Variants in KCNC4 observed in about 807,000 individuals in gnomAD.
The protein encoded by KCNC4 is potassium voltage-gated channel subfamily C member 4, also known as voltage-gated potassium channel KCNC4.
A neutral mutation model predicts 42.8 loss-of-function variants in KCNC4; 23 were observed. The ratio of observed to expected loss-of-function variants is 0.54; its 90% CI spans 0.39 to 0.76. The LOEUF (loss-of-function observed/expected upper bound fraction) is 0.76, where lower values mean the gene tolerates loss of function less well. KCNC4 is among the 30% of genes least tolerant of loss of function. The pLI is 0.00. For missense variants in KCNC4, 751 were observed against 898.2 expected (o/e 0.84, Z 2.10); for synonymous variants, 422 against 393.5 (o/e 1.07, Z -0.86).
chr1:110,211,706 CGGCGGGGGCCGGCCCGAGACCGAT>C lies in KCNC4; in HGVS notation c.213_236del (p.Arg73_Gly80del), dbSNP rs1438592059. On this transcript the variant is annotated inframe_deletion, in exon 1 of 4. Transcript: ENST00000438661. This position sits in a 1 kb window ranked among gnomAD's most constrained non-coding sequence, Gnocchi z 6.5. Reference sequence around the variant, plus strand: ...GCCTCGCCTGGCTGGCCGACCCCGACGGCGGGGGCCGGCCCGAGACCGATGGCGGCGGTGTGGGTAGCAGCGGCA... The same window carrying C: ...GCCTCGCCTGGCTGGCCGACCCCGACGGCGGCGGTGTGGGTAGCAGCGGCA... 9.3e-6 allele frequency: 15 copies of C among 1,607,766 alleles called. No individual in the cohort carries two copies. The highest frequency in any genetic ancestry group is 1.3e-5 in the Non-Finnish European group (15 of 1,177,214).
rs552260915 is a variant in KCNC4 at position 110,231,138 on chromosome 1, G to A, written c.1820-1773G>A. On this transcript the variant is annotated intron_variant, in intron 3 of 3. Coordinates refer to ENST00000438661, the MANE Select transcript of KCNC4 (RefSeq NM_001039574.3). ...GTAGCAGGGTTACTGGCAACCTAGA[G>A]ACCAATTTTCAGGGCTTCTGAGAGG... Among the ~76,000 whole-genome samples, 7 of 152,356 alleles carry A rather than the reference G, an allele frequency of 4.6e-5. No homozygotes were observed. The South Asian group carries it at 1.4e-3, about 32-fold the overall frequency.
intron 3 of KCNC4, chr1:110,232,171 G>A: frequency 5.0e-6 from 8 of 1,586,676 alleles, no homozygotes; most frequent in Non-Finnish European, 6.9e-6. Flanking sequence ...TCTCTGAGGG[G>A]TTGGGTTTCT....
At chr1:110,221,888 T>C (rs1658114467) in intron 1 of KCNC4, 1 of 152,184 alleles carries the variant, frequency 6.6e-6, no homozygotes, top group African/African-American at 2.4e-5. Flanking sequence ...ACGGCATGAA[T>C]AACACATGAA....
At chr1:110,250,881 T>C (rs1320210723), downstream of KCNC4, among the ~76,000 whole-genome samples, 1 of 152,096 alleles carries the variant, frequency 6.6e-6, no homozygotes, top group Non-Finnish European at 1.5e-5. Flanking sequence ...AGGTGGCTGT[T>C]CCTGAAGCCT....
intron 2 of KCNC4, 134 bp downstream of exon 2, chr1:110,224,034 A>AG (rs1658263902): frequency 1.3e-6 from 1 of 746,052 alleles, no homozygotes; most frequent in Non-Finnish European, 2.2e-6. Flanking sequence ...TGCCTTTATG[A>AG]GGGCAAAGTG....
At chr1:110,234,268 C>T (rs1448639088), downstream of KCNC4, 1 of 152,208 alleles carries the variant, frequency 6.6e-6, no homozygotes, top group Non-Finnish European at 1.5e-5. Context: ...CCCCGAGACC[C>T]AAACAGTGTT....
At chr1:110,248,376 T>C (rs1176887783) in exon 4 of KCNC4, 1 of 152,250 alleles carries the variant, frequency 6.6e-6, no homozygotes, top group Non-Finnish European at 1.5e-5. Context: ...TGTTTGACTT[T>C]GTCATTTGCT....
intron 1 of KCNC4, among the ~76,000 whole-genome samples, chr1:110,215,091 G>A (rs141670622): frequency 3.9e-5 from 6 of 152,388 alleles, no homozygotes; most frequent in Non-Finnish European, 4.4e-5. Flanking sequence ...GCCCTGAGGC[G>A]TCCTTTCGCA....
chr1:110,230,363 GC>G (rs1305895599), intron 3 of KCNC4, among the ~76,000 whole-genome samples: 3 of 152,162 alleles, frequency 2.0e-5, no homozygotes, highest in Non-Finnish European at 4.4e-5. Flanking sequence ...AGATGCGAGG[GC>G]CCCTCCCCCA....
intron 1 of KCNC4, among the ~76,000 whole-genome samples, chr1:110,270,134 C>T (rs190386298): frequency 1.8e-4 from 28 of 152,312 alleles, no homozygotes; most frequent in Non-Finnish European, 3.1e-4. Context: ...AAAACACTGA[C>T]GTCCAACTGG....
intron 1 of KCNC4, among the ~76,000 whole-genome samples, chr1:110,278,726 C>A (rs1659769047): frequency 6.6e-6 from 1 of 152,074 alleles, no homozygotes; most frequent in African/African-American, 2.4e-5. Flanking sequence ...CCAAGCAGAC[C>A]CAGGGCCATC....
chr1:110,251,650 A>G (rs1659252387), downstream of KCNC4, among the ~76,000 whole-genome samples: 1 of 152,162 alleles, frequency 6.6e-6, no homozygotes, highest in African/African-American at 2.4e-5. Context: ...AGCATTTGGG[A>G]TTATTTACCC....
chr1:110,230,575 C>T (rs1409166140), intron 3 of KCNC4, among the ~76,000 whole-genome samples: 3 of 152,222 alleles, frequency 2.0e-5, no homozygotes, highest in Admixed American at 2.0e-4. Flanking sequence ...GCCTCCTTCC[C>T]TCTCTTCCCT....
chr1:110,213,851 T>C (rs531596928), intron 1 of KCNC4, among the ~76,000 whole-genome samples: 1 of 151,872 alleles, frequency 6.6e-6, no homozygotes, highest in Admixed American at 6.6e-5. Context: ...TCTTTCAAAG[T>C]TGGGGGTCGG....
chr1:110,230,799 T>C (rs10429940), intron 3 of KCNC4, among the ~76,000 whole-genome samples: 18,048 of 152,220 alleles, frequency 0.12, 1,480 homozygotes, highest in African/African-American at 0.21. Flanking sequence ...TCAGCACCTC[T>C]GGGCCTGCCC....
chr1:110,213,328 G>C (rs1012072772), intron 1 of KCNC4, among the ~76,000 whole-genome samples: 1 of 152,106 alleles, frequency 6.6e-6, no homozygotes, highest in Admixed American at 6.5e-5. Context: ...TAACTTGTTG[G>C]GTCTGGGGAC....
At position 110,211,635 on chromosome 1, in the gene KCNC4, C is replaced by T; in HGVS notation, c.136C>T (p.Arg46Ter). ...EKIIINVGGT[R>*]HETYRSTLRT... ...GATCATCATCAACGTGGGCGGCACGCGACATGAGACCTACCGCAGCACCCT... is the reference window on the plus strand; with the variant it reads ...GATCATCATCAACGTGGGCGGCACGTGACATGAGACCTACCGCAGCACCCT... Residue 46 changes from arginine (R) to a stop codon, truncating the protein, a stop_gained, in exon 1 of 4, where the codon CGA (arginine) becomes TGA (stop). Coordinates refer to ENST00000438661, the MANE Select transcript of KCNC4 (RefSeq NM_001039574.3). LOFTEE classifies it high-confidence loss of function. The surrounding 1 kb of genome is among the most constrained non-coding windows in gnomAD (Gnocchi z 6.5). 3.7e-6 allele frequency: 6 copies of T among 1,613,866 alleles called. No homozygotes were observed. Among genetic ancestry groups the T allele is most frequent in the Non-Finnish European group, 5.1e-6 (6 of 1,179,936 alleles).
rs147322977 is a variant in KCNC4, at chr1:110,223,282, G to A, written c.997G>A (p.Gly333Ser). 7.0e-4 allele frequency: 1,130 copies of A among 1,614,206 alleles called. No individual in the cohort carries two copies. Among genetic ancestry groups the A allele is most frequent in the Non-Finnish European group, 8.4e-4 (997 of 1,180,024 alleles). The change falls in exon 2 of 4, where the codon GGC becomes AGC. Residue 333 changes from glycine (G) to serine (S), a missense_variant. Around this residue, in one of 4 missense-constraint regions of KCNC4, gnomAD observed 185 missense variants for 293.7 expected, o/e 0.63. Transcript: ENST00000438661. The surrounding 1 kb of genome is among the most constrained non-coding windows in gnomAD (Gnocchi z 7.5). The stretch of plus-strand genomic sequence containing the variant: ...CTTCTACCTGGAGGTGGGGCTGAGC[G>A]GCCTGTCATCCAAGGCGGCCCGCGA... ...LPFYLEVGLS[G>S]LSSKAARDVL... is the part of the protein sequence containing the mutation.
rs963151149 is a variant in KCNC4 at position 110,210,463 on chromosome 1, T to C, written c.-1037T>C. 3.3e-5 allele frequency among the ~76,000 whole-genome samples: 5 copies of C among 150,974 alleles called. No individual in the cohort carries two copies. Among genetic ancestry groups the C allele is most frequent in the African/African-American group, 4.9e-5 (2 of 41,160 alleles). ...CCAAGGCCGGCGCCCCGCCCGGAGA[T>C]GGGCAGACGCGTAGATGGCGTGGCT... On this transcript the variant is annotated 5_prime_UTR_variant, in exon 1 of 4. An upstream start codon of the reference 5' UTR is lost. Transcript: ENST00000438661.
Sources: allele counts gnomAD v4.1 joint callset (sites outside exome capture counted in the v4.1 genomes callset), GRCh38; gene constraint gnomAD v4.1.1; regional missense constraint gnomAD v4.1.1; non-coding constraint Gnocchi (gnomAD v3.1); transcripts MANE v1.5; gene names NCBI Gene and HGNC (gene_info 2026-07-23, HGNC 2026-07-21).